Variants in OTUD7A observed in about 807,000 individuals in gnomAD.
OTUD7A encodes OTU deubiquitinase 7A, also known as OTU domain-containing protein 7A.
In OTUD7A, 12 loss-of-function variants were observed where a neutral mutation model predicts 65.7. That is an observed-to-expected ratio of 0.18 (90% CI 0.12 to 0.30). OTUD7A has a LOEUF of 0.30. Ranked by LOEUF, OTUD7A falls within the 10% of genes least tolerant of loss-of-function variation. The pLI is 1.00. For synonymous variants in OTUD7A, 641 were observed against 586.3 expected, an observed-to-expected ratio of 1.09 and a Z score of -1.35; for missense variants, 1,148 against 1,304.8, an observed-to-expected ratio of 0.88 and a Z score of 1.85.
intron 1 of OTUD7A, among the ~76,000 whole-genome samples, chr15:31,832,207 TG>T (rs1317017173): frequency 6.6e-6 from 1 of 152,230 alleles, no homozygotes; most frequent in Non-Finnish European, 1.5e-5. Flanking sequence ...CCTCCTCCGC[TG>T]GGGCTCTCTT....
chr15:31,832,700 T>C (rs1051818768), intron 1 of OTUD7A, among the ~76,000 whole-genome samples: 1 of 152,232 alleles, frequency 6.6e-6, no homozygotes, highest in African/African-American at 2.4e-5. Context: ...TCATTTAGTA[T>C]GTGTTTTTTG....
chr15:31,821,076 TTTTGC>T (rs1269744723), intron 1 of OTUD7A, among the ~76,000 whole-genome samples: 13 of 152,180 alleles, frequency 8.5e-5, no homozygotes, highest in Admixed American at 5.2e-4. Flanking sequence ...GACTGGCTCC[TTTTGC>T]GTAACATATT....
chr15:31,545,221 G>A (rs938503913), intron 5 of OTUD7A, among the ~76,000 whole-genome samples: 12 of 151,954 alleles, frequency 7.9e-5, no homozygotes, highest in African/African-American at 2.9e-4. Flanking sequence ...TTCAATAAAT[G>A]GTACCATGTC....
intron 1 of OTUD7A, among the ~76,000 whole-genome samples, chr15:31,814,118 A>T (rs1386537982): frequency 6.6e-6 from 1 of 152,256 alleles, no homozygotes; most frequent in South Asian, 2.1e-4. Flanking sequence ...TTTCTCACGC[A>T]TGCTAATTAT....
intron 3 of OTUD7A, among the ~76,000 whole-genome samples, chr15:31,573,348 G>A (rs1889108867): frequency 6.6e-6 from 1 of 152,156 alleles, no homozygotes; most frequent in African/African-American, 2.4e-5. Context: ...GACACTTTTT[G>A]AGAAAATTAA....
At chr15:31,804,769 G>C (rs1230240276) in intron 1 of OTUD7A, among the ~76,000 whole-genome samples, 1 of 152,162 alleles carries the variant, frequency 6.6e-6, no homozygotes, top group Non-Finnish European at 1.5e-5. Context: ...ATCACCTGCT[G>C]ATGCACCCAT....
At chr15:31,638,739 C>G (rs1382675116) in intron 3 of OTUD7A, among the ~76,000 whole-genome samples, 4 of 152,026 alleles carry the variant, frequency 2.6e-5, no homozygotes. Flanking sequence ...ATTCATGTGA[C>G]TTGCTTTATT....
At chr15:31,564,842 A>C (rs1179432809) in intron 4 of OTUD7A, among the ~76,000 whole-genome samples, 1 of 152,184 alleles carries the variant, frequency 6.6e-6, no homozygotes, top group African/African-American at 2.4e-5. Context: ...TCAGCAGAAA[A>C]AATGATATTT....
chr15:31,752,403 T>A (rs1470276080), intron 1 of OTUD7A, among the ~76,000 whole-genome samples: 2 of 152,232 alleles, frequency 1.3e-5, no homozygotes, highest in African/African-American at 4.8e-5. Flanking sequence ...TATTCTTTGA[T>A]ATCACTCTGA....
At chr15:31,746,371 T>C (rs1489007971) in intron 1 of OTUD7A, among the ~76,000 whole-genome samples, 1 of 152,144 alleles carries the variant, frequency 6.6e-6, no homozygotes, top group East Asian at 1.9e-4. Context: ...CACATATGTA[T>C]ACATATGTTC....
intron 1 of OTUD7A, among the ~76,000 whole-genome samples, chr15:31,857,656 G>A (rs2141011898): frequency 6.6e-6 from 1 of 152,332 alleles, no homozygotes; most frequent in African/African-American, 2.4e-5. Context: ...ACATGCTCCA[G>A]GGCGGGGATG....
intron 1 of OTUD7A, among the ~76,000 whole-genome samples, chr15:31,713,533 C>T (rs549685260): frequency 1.7e-4 from 26 of 152,104 alleles, no homozygotes; most frequent in Middle Eastern, 3.4e-3. Flanking sequence ...GCAGAAGAAT[C>T]GCTTAAACCC....
At chr15:31,540,416 A>G (rs1322689648) in intron 5 of OTUD7A, among the ~76,000 whole-genome samples, 12 of 152,200 alleles carry the variant, frequency 7.9e-5, no homozygotes. Flanking sequence ...AGAGTGTCTA[A>G]GGTAGTCATC....
At chr15:31,566,633 A>AG (rs554108524) in intron 4 of OTUD7A, among the ~76,000 whole-genome samples, 4 of 152,232 alleles carry the variant, frequency 2.6e-5, no homozygotes, top group East Asian at 1.9e-4. Context: ...CCAATCTTGG[A>AG]GGGGGGGTCT....
chr15:31,742,768 A>G (rs574292078), intron 1 of OTUD7A, among the ~76,000 whole-genome samples: 1 of 152,272 alleles, frequency 6.6e-6, no homozygotes, highest in South Asian at 2.1e-4. Context: ...GCGAATGAAA[A>G]GGGGTTAAAA....
intron 1 of OTUD7A, among the ~76,000 whole-genome samples, chr15:31,745,434 T>C: frequency 6.6e-6 from 1 of 152,110 alleles, no homozygotes; most frequent in Admixed American, 6.5e-5. Flanking sequence ...ACAAGGTAAT[T>C]CAGAGGTAGA....
At chr15:31,629,233 C>A (rs1156764175) in intron 3 of OTUD7A, among the ~76,000 whole-genome samples, 4 of 152,116 alleles carry the variant, frequency 2.6e-5, no homozygotes, top group South Asian at 2.1e-4. Context: ...GTGGGTTTGT[C>A]ATAGATAGCT....
intron 1 of OTUD7A, among the ~76,000 whole-genome samples, chr15:31,685,490 A>G (rs1015560635): frequency 3.3e-5 from 5 of 151,906 alleles, no homozygotes; most frequent in African/African-American, 1.2e-4. Flanking sequence ...CTGAAAAAAA[A>G]AAAACAAAAA....
intron 1 of OTUD7A, among the ~76,000 whole-genome samples, chr15:31,672,868 T>C (rs1315637434): frequency 6.6e-6 from 1 of 152,240 alleles, no homozygotes; most frequent in Non-Finnish European, 1.5e-5. Flanking sequence ...TATTTGGGAA[T>C]AGCAGTAAGT....
Sources: allele counts gnomAD v4.1 joint callset (sites outside exome capture counted in the v4.1 genomes callset), GRCh38; gene constraint gnomAD v4.1.1; transcripts MANE v1.5; gene names NCBI Gene and HGNC (gene_info 2026-07-23, HGNC 2026-07-21).